Variants in ESRRG observed in about 807,000 individuals in gnomAD.
ESRRG encodes estrogen-related receptor gamma.
ESRRG carries 13 observed loss-of-function variants against 44.0 expected under a neutral mutation model. The observed-to-expected ratio is 0.30, with a 90% CI of 0.19 to 0.47. The LOEUF is 0.47. ESRRG is among the 20% of genes least tolerant of loss of function. The pLI, the probability that ESRRG is intolerant of heterozygous loss-of-function variation, is 1.00. For synonymous variants in ESRRG, 215 were observed against 214.6 expected, an observed-to-expected ratio of 1.00 and a Z score of -0.02; for missense variants, 395 against 580.6, an observed-to-expected ratio of 0.68 and a Z score of 3.29.
chr1:216,784,867 G>T (rs563560793), intron 2 of ESRRG, among the ~76,000 whole-genome samples: 155 of 151,990 alleles, frequency 1.0e-3, no homozygotes, highest in Middle Eastern at 6.8e-3. Context: ...CATGCACTCC[G>T]ATTTTACATA....
intron 2 of ESRRG, among the ~76,000 whole-genome samples, chr1:216,935,004 C>G (rs1041363148): frequency 6.6e-6 from 1 of 152,144 alleles, no homozygotes; most frequent in Non-Finnish European, 1.5e-5. Context: ...AAAACTAAAA[C>G]TCTAATAACT....
rs533164591 is a variant in ESRRG at position 216,768,801 on chromosome 1, A to G, written c.-13-91310T>C. Among the ~76,000 whole-genome samples the G allele has an allele frequency of 5.9e-5, 9 of 152,218 alleles. 1 individual carries two copies. The highest frequency in any genetic ancestry group is 2.2e-4 in the African/African-American group (9 of 41,554). On this transcript the variant is annotated intron_variant, in intron 2 of 7. Coordinates refer to the ESRRG transcript ENST00000359162. ...CCACTGTGCCCAGCCTCTGTGAGGTAAATATTATATAAATAAATTCAATAT... is the reference window on the plus strand; with the variant it reads ...CCACTGTGCCCAGCCTCTGTGAGGTGAATATTATATAAATAAATTCAATAT...
At chr1:217,070,819 A>G (rs1341502470) in intron 1 of ESRRG, among the ~76,000 whole-genome samples, 1 of 152,244 alleles carries the variant, frequency 6.6e-6, no homozygotes, top group Non-Finnish European at 1.5e-5. Context: ...AGCAAAATAG[A>G]GTAGAAGAGT....
intron 2 of ESRRG, among the ~76,000 whole-genome samples, chr1:216,913,759 T>C (rs2060791864): frequency 6.6e-6 from 1 of 152,236 alleles, no homozygotes; most frequent in Non-Finnish European, 1.5e-5. Flanking sequence ...CACTTTACAA[T>C]GTATAAAACT....
At chr1:217,121,843 ACATAACCACCT>A (rs2092824281) in intron 1 of ESRRG, among the ~76,000 whole-genome samples, 1 of 152,220 alleles carries the variant, frequency 6.6e-6, no homozygotes, top group Non-Finnish European at 1.5e-5. Flanking sequence ...TCAGCCAAGA[ACATAACCACCT>A]ACTAGTGACC....
chr1:217,081,519 G>A (rs796643302), intron 1 of ESRRG, among the ~76,000 whole-genome samples: 2 of 152,070 alleles, frequency 1.3e-5, no homozygotes, highest in South Asian at 4.1e-4. Flanking sequence ...GAGCCGCCGT[G>A]CCAGGCCAAA....
chr1:216,703,512 A>G lies in ESRRG; in HGVS notation c.56+19732T>C, dbSNP rs957293585. ...CAGTGACTCTGTGAGAAGTAGCCTGATTTTCAGGAAAAGGTAATTTAAGAA... is the reference window on the plus strand; with the variant it reads ...CAGTGACTCTGTGAGAAGTAGCCTGGTTTTCAGGAAAAGGTAATTTAAGAA... On this transcript the variant is annotated intron_variant, in intron 1 of 6. Transcript: ENST00000408911. Among the ~76,000 whole-genome samples the G allele has an allele frequency of 1.7e-3, 259 of 151,934 alleles. 2 individuals are homozygous for G. The highest frequency in any genetic ancestry group is 5.9e-3 in the African/African-American group (243 of 41,448).
chr1:216,906,217 C>T lies in ESRRG; in HGVS notation c.-14+33365G>A, dbSNP rs142960048. ...TTTCCCTTATATATCCCCTCCATTC[C>T]ATTTCATTTATCTAAAATGAAAGAG... On this transcript the variant is annotated intron_variant, in intron 2 of 7. Coordinates refer to the ESRRG transcript ENST00000359162. Among the ~76,000 whole-genome samples, 724 of 152,270 alleles carry T rather than the reference C, an allele frequency of 4.8e-3. 8 individuals are homozygous for T. Among genetic ancestry groups the T allele is most frequent in the African/African-American group, 0.017 (702 of 41,574 alleles).
At chr1:216,906,883 A>G (rs567416892) in intron 2 of ESRRG, among the ~76,000 whole-genome samples, 29 of 152,350 alleles carry the variant, frequency 1.9e-4, no homozygotes, top group South Asian at 4.1e-4. Context: ...ACAAGAAATG[A>G]GATAAAGTGC....
intron 3 of ESRRG, among the ~76,000 whole-genome samples, chr1:216,641,563 A>G (rs2066433399): frequency 6.6e-6 from 1 of 152,242 alleles, no homozygotes; most frequent in South Asian, 2.1e-4. Flanking sequence ...AGCACAACTT[A>G]TAAGAAATGT....
At chr1:216,557,545 G>A (rs1016596600) in intron 5 of ESRRG, among the ~76,000 whole-genome samples, 7 of 152,104 alleles carry the variant, frequency 4.6e-5, no homozygotes, top group Non-Finnish European at 8.8e-5. Flanking sequence ...TATAAAGTGG[G>A]ACTAATAAGA....
At chr1:216,545,840 C>T (rs763858444) in intron 5 of ESRRG, among the ~76,000 whole-genome samples, 1 of 151,884 alleles carries the variant, frequency 6.6e-6, no homozygotes, top group Non-Finnish European at 1.5e-5. Flanking sequence ...TTTTTAAATA[C>T]CAAAGATAAA....
At chr1:216,625,041 T>C (rs547200651) in intron 3 of ESRRG, among the ~76,000 whole-genome samples, 3 of 152,090 alleles carry the variant, frequency 2.0e-5, no homozygotes, top group Non-Finnish European at 2.9e-5. Context: ...AATTCTTTCA[T>C]AACAGACTCT....
chr1:216,757,729 AG>A (rs1363935701), intron 2 of ESRRG, among the ~76,000 whole-genome samples: 1 of 152,088 alleles, frequency 6.6e-6, no homozygotes, highest in Non-Finnish European at 1.5e-5. Context: ...AGAGAGATAT[AG>A]TCCTGTCTAA....
At chr1:216,858,744 A>G (rs2095999036) in intron 2 of ESRRG, among the ~76,000 whole-genome samples, 1 of 152,162 alleles carries the variant, frequency 6.6e-6, no homozygotes. Context: ...CAGAGTTGAG[A>G]TTTGAATCAC....
At chr1:217,096,042 G>T (rs2092418572) in intron 1 of ESRRG, among the ~76,000 whole-genome samples, 1 of 152,180 alleles carries the variant, frequency 6.6e-6, no homozygotes, top group Admixed American at 6.5e-5. Flanking sequence ...AAATAAAGCT[G>T]CATTTATTTG....
Position 216,664,965 on chromosome 1 carries a change from G to A in ESRRG, c.472+12111C>T, listed in dbSNP as rs77135228. On this transcript the variant is annotated intron_variant, in intron 2 of 6. Transcript: ENST00000408911. ...TATTATTTACAATAGCCAAGAGATG[G>A]AAGCAACATAAATGTCAGCCAAGAG... Among the ~76,000 whole-genome samples the A allele has an allele frequency of 8.5e-3, 1,287 of 152,192 alleles. 19 individuals are homozygous for A. Among genetic ancestry groups the A allele is most frequent in the African/African-American group, 0.029 (1,215 of 41,506 alleles).
chr1:216,853,747 G>T (rs1225217897), intron 2 of ESRRG, among the ~76,000 whole-genome samples: 1 of 152,160 alleles, frequency 6.6e-6, no homozygotes, highest in Non-Finnish European at 1.5e-5. Flanking sequence ...TCAACAGCGA[G>T]TTGCTTTGAG....
intron 1 of ESRRG, among the ~76,000 whole-genome samples, chr1:216,686,959 A>C (rs1034932684): frequency 6.6e-6 from 1 of 151,984 alleles, no homozygotes; most frequent in African/African-American, 2.4e-5. Context: ...GCACTCTTCA[A>C]ACTCCCAAAC....
Sources: allele counts gnomAD v4.1 joint callset (sites outside exome capture counted in the v4.1 genomes callset), GRCh38; gene constraint gnomAD v4.1.1; transcripts MANE v1.5; gene names NCBI Gene and HGNC (gene_info 2026-07-23, HGNC 2026-07-21).